The following JARID2 variants were observed in gnomAD, a reference collection of about 807,000 sequenced individuals.
The protein encoded by JARID2 is jumonji and AT-rich interaction domain containing 2, also known as protein Jumonji.
Under a neutral mutation model 125.6 loss-of-function variants are expected in JARID2, and 21 were observed. The observed-to-expected ratio is 0.17, with a 90% confidence interval of 0.12 to 0.24. The LOEUF is 0.24. Among genes scored for constraint, JARID2 ranks in the 10% least tolerant of loss-of-function variants. The pLI is 1.00. For missense variants in JARID2, 1,303 were observed against 1,639.6 expected (o/e 0.79, Z 3.55); for synonymous variants, 736 against 661.6 (o/e 1.11, Z -1.73).
At chr6:15,372,192 G>A (rs548345608) in intron 1 of JARID2, among the ~76,000 whole-genome samples, 13 of 152,072 alleles carry the variant, frequency 8.5e-5, no homozygotes, top group Non-Finnish European at 1.5e-4. Flanking sequence ...GAGTCCCATG[G>A]AAGTTTTCTG....
chr6:15,360,670 A>C (rs1763761431), intron 1 of JARID2, among the ~76,000 whole-genome samples: 1 of 152,028 alleles, frequency 6.6e-6, no homozygotes, highest in Non-Finnish European at 1.5e-5. Flanking sequence ...ACTAATTTTA[A>C]ATTTTTGTTG....
chr6:15,429,464 G>T (rs1268337976), intron 3 of JARID2, among the ~76,000 whole-genome samples: 5 of 152,120 alleles, frequency 3.3e-5, no homozygotes, highest in African/African-American at 1.2e-4. Flanking sequence ...TTGGGTCTCA[G>T]TGTGTTGCCT....
At chr6:15,515,994 CA>C (rs568172506) in intron 16 of JARID2, among the ~76,000 whole-genome samples, 21,200 of 110,706 alleles carry the variant, frequency 0.19, 1,361 homozygotes, top group South Asian at 0.23. Flanking sequence ...GACTCCATCT[CA>C]AAAAAAAAAA....
intron 1 of JARID2, 43 bp from the exon 2 acceptor site, chr6:15,374,074 G>T: frequency 6.2e-7 from 1 of 1,600,788 alleles, no homozygotes; most frequent in Non-Finnish European, 8.5e-7. Flanking sequence ...ATATTGCCTT[G>T]CTTTCTATTC....
At chr6:15,417,257 G>GT (rs1766273570) in intron 3 of JARID2, among the ~76,000 whole-genome samples, 2 of 152,264 alleles carry the variant, frequency 1.3e-5, no homozygotes, top group Admixed American at 1.3e-4. Context: ...GCCAGGCTGT[G>GT]TGACTTCTCA....
chr6:15,432,304 T>G (rs1766999290), intron 3 of JARID2, among the ~76,000 whole-genome samples: 1 of 152,090 alleles, frequency 6.6e-6, no homozygotes, highest in Non-Finnish European at 1.5e-5. Context: ...GGCTCACGCC[T>G]ATAATCCCAG....
At chr6:15,385,092 A>G (rs1035339984) in intron 2 of JARID2, among the ~76,000 whole-genome samples, 15 of 152,224 alleles carry the variant, frequency 9.9e-5, no homozygotes, top group Admixed American at 5.2e-4. Flanking sequence ...ATATCTGCCT[A>G]TGCTCTTAAT....
rs186708996 is a variant in JARID2 at position 15,423,285 on chromosome 6, A to G, written c.323+12920A>G. 2.6e-5 allele frequency among the ~76,000 whole-genome samples: 4 copies of G among 152,258 alleles called. No homozygotes were observed. In the East Asian group the frequency reaches 7.7e-4, roughly 29 times the overall value. ...ATTGTTGGGATTACAGGTGTGAGCC[A>G]CTATGCCTGGCCTGCATCCCAGTCA... On this transcript the variant is annotated intron_variant, in intron 3 of 17. Transcript: ENST00000341776.
At chr6:15,407,830 A>G (rs1284003899) in intron 2 of JARID2, among the ~76,000 whole-genome samples, 1 of 152,124 alleles carries the variant, frequency 6.6e-6, no homozygotes, top group African/African-American at 2.4e-5. Context: ...CTAATTTTAG[A>G]TTTTGATTAA....
At chr6:15,309,594 A>G (rs1312398369) in intron 1 of JARID2, among the ~76,000 whole-genome samples, 2 of 152,166 alleles carry the variant, frequency 1.3e-5, no homozygotes, top group South Asian at 2.1e-4. Flanking sequence ...TTTACAGTTT[A>G]ATTTTTTTGT....
chr6:15,475,380 C>T (rs1015787168), intron 5 of JARID2, among the ~76,000 whole-genome samples: 3 of 152,220 alleles, frequency 2.0e-5, no homozygotes, highest in African/African-American at 7.2e-5. Context: ...AAGAAGGCCT[C>T]TTCTGAACTG....
intron 6 of JARID2, among the ~76,000 whole-genome samples, 167 bp downstream of exon 6, chr6:15,487,709 C>G (rs574595164): frequency 1.3e-5 from 2 of 152,218 alleles, no homozygotes; most frequent in Non-Finnish European, 2.9e-5. Context: ...GGCGCCTGCA[C>G]CTTTTGTCCT....
Position 15,407,104 on chromosome 6 carries a change from AG to A in JARID2, c.182-3119del, listed in dbSNP as rs1404230646. Reference sequence around the variant, plus strand: ...GCAAGACCCCATGTATAAAAAAAAAAGAAAAAAATTAGTGGGGCATGGTGGT... The same window carrying A: ...GCAAGACCCCATGTATAAAAAAAAAAAAAAAAATTAGTGGGGCATGGTGGT... On this transcript the variant is annotated intron_variant, in intron 2 of 17. Coordinates refer to ENST00000341776, the MANE Select transcript of JARID2 (RefSeq NM_004973.4). Among the ~76,000 whole-genome samples the A allele has an allele frequency of 3.3e-5, 5 of 152,026 alleles. No individual in the cohort carries two copies. In the East Asian group the frequency reaches 7.7e-4, roughly 23 times the overall value.
rs942348333 is a variant in JARID2, at chr6:15,509,033, G to C, written c.2846+579G>C. 4 of 1,289,284 alleles carry C rather than the reference G, an allele frequency of 3.1e-6. No homozygotes were observed. In the South Asian group the frequency reaches 3.7e-5, roughly 12 times the overall value. The allele number at this position is 1,289,284 out of a possible 1,614,324, so 79.9% of individuals were successfully genotyped here. On this transcript the variant is annotated intron_variant, in intron 12 of 17. Transcript: ENST00000341776. ...GGAGTAGAGTTGACTTGGGAATCTC[G>C]TTCCTGCCATGTGGAGACACGCGCG...
chr6:15,387,037 G>A (rs1332128748), intron 2 of JARID2, among the ~76,000 whole-genome samples: 3 of 152,122 alleles, frequency 2.0e-5, no homozygotes, highest in African/African-American at 7.2e-5. Context: ...GTGAGTATTC[G>A]GAATACTCAG....
chr6:15,467,115 G>A (rs1191141947), intron 4 of JARID2, among the ~76,000 whole-genome samples: 2 of 152,242 alleles, frequency 1.3e-5, no homozygotes, highest in African/African-American at 4.8e-5. Context: ...GGAAAAGGAA[G>A]GGGTTGAAGG....
chr6:15,496,798 C>G lies in JARID2; in HGVS notation c.1573C>G (p.Arg525Gly). ...GGCGGACAGCGCCTCCTGTGAAAAT[C>G]GTTCTACCTCGCAACCGGAGTCCGT... is the stretch of plus-strand genomic sequence containing the variant. ...GKADSASCEN[R>G]STSQPESVHK... The change falls in exon 7 of 18, where the codon CGT becomes GGT. Residue 525 changes from arginine to glycine, a missense_variant. Coordinates refer to ENST00000341776, the MANE Select transcript of JARID2 (RefSeq NM_004973.4). 1 of 1,609,008 alleles carries G rather than the reference C, an allele frequency of 6.2e-7. No individual in the cohort carries two copies. The highest frequency in any genetic ancestry group is 8.5e-7 in the Non-Finnish European group (1 of 1,177,308).
At chr6:15,377,078 A>G (rs916257974) in intron 2 of JARID2, among the ~76,000 whole-genome samples, 4 of 152,218 alleles carry the variant, frequency 2.6e-5, no homozygotes, top group East Asian at 1.9e-4. Flanking sequence ...CTCATGTCCT[A>G]TCTCATAGAA....
intron 16 of JARID2, among the ~76,000 whole-genome samples, chr6:15,515,595 G>C (rs1771508121): frequency 6.6e-6 from 1 of 152,086 alleles, no homozygotes; most frequent in Non-Finnish European, 1.5e-5. Context: ...AGACCAGCCT[G>C]GGTGACAGAG....
Sources: allele counts gnomAD v4.1 joint callset (sites outside exome capture counted in the v4.1 genomes callset), GRCh38; gene constraint gnomAD v4.1.1; transcripts MANE v1.5; gene names NCBI Gene and HGNC (gene_info 2026-07-23, HGNC 2026-07-21).